UGT1A7: variants seen among roughly 807,000 people sequenced by gnomAD.
UGT1A7 encodes the protein UDP glucuronosyltransferase family 1 member A7.
Under a neutral mutation model 45.6 loss-of-function variants are expected in UGT1A7, and 33 were observed. That is an observed-to-expected ratio of 0.72 (90% CI 0.55 to 0.97). UGT1A7 has a LOEUF of 0.97. Among genes scored for constraint, UGT1A7 ranks in the 50% least tolerant of loss-of-function variants. The probability of loss-of-function intolerance (pLI) is 0.00; values close to 1 mark genes in which losing one functional copy is unlikely to be tolerated. For synonymous variants in UGT1A7, 274 were observed against 250.6 expected (o/e 1.09, Z -0.88); for missense variants, 684 against 666.2 (o/e 1.03, Z -0.29).
intron 1 of UGT1A7, among the ~76,000 whole-genome samples, chr2:233,731,547 T>A (rs548605747): frequency 6.6e-6 from 1 of 152,218 alleles, no homozygotes; most frequent in Non-Finnish European, 1.5e-5. Flanking sequence ...TGGTTTTCTG[T>A]CCATGTGATA....
chr2:233,764,219 C>T (rs759767670), intron 1 of UGT1A7, among the ~76,000 whole-genome samples: 2 of 152,130 alleles, frequency 1.3e-5, no homozygotes, highest in Non-Finnish European at 2.9e-5. Context: ...TGAAGGGAAT[C>T]AATGGTGGGG....
chr2:233,758,119 CATAAAT>C (rs775438808), intron 1 of UGT1A7, among the ~76,000 whole-genome samples: 2 of 152,188 alleles, frequency 1.3e-5, no homozygotes, highest in Admixed American at 6.5e-5. Flanking sequence ...TCACACGTTC[CATAAAT>C]ATTTGGCAGA....
At chr2:233,761,231 T>A in intron 1 of UGT1A7, 1 of 1,613,202 alleles carries the variant, frequency 6.2e-7, no homozygotes. Flanking sequence ...GCCCCAGATA[T>A]ATGCTGAGCA....
At position 233,768,335 on chromosome 2, in the gene UGT1A7, T is replaced by C. The variant is rs754652167; in HGVS notation, c.1191T>C (p.Asn397=). 1.9e-6 allele frequency: 3 copies of C among 1,614,076 alleles called. No homozygotes were observed. The highest frequency in any genetic ancestry group is 2.5e-6 in the Non-Finnish European group (3 of 1,180,042). Residue 397 remains asparagine, a synonymous_variant, in exon 4 of 5, where the codon AAT becomes AAC. Transcript: ENST00000373426. ...CCTTGTTTGGTGATCAGATGGACAA[T>C]GCAAAGCGCATGGAGACTAAGGGAG... ...MMPLFGDQMD[N]AKRMETKGAG...
chr2:233,711,434 TAC>T (rs1559357703), intron 1 of UGT1A7, among the ~76,000 whole-genome samples: 5 of 152,176 alleles, frequency 3.3e-5, no homozygotes, highest in African/African-American at 1.2e-4. Context: ...TTAGGATGCA[TAC>T]AGTTTTAAGG....
chr2:233,729,883 T>G (rs1220265805), intron 1 of UGT1A7: 1 of 1,613,824 alleles, frequency 6.2e-7, no homozygotes, highest in Non-Finnish European at 8.5e-7. Flanking sequence ...CAGTCATGCA[T>G]CTGTGTGGCT....
At chr2:233,771,833 T>G (rs1411315562) in intron 4 of UGT1A7, among the ~76,000 whole-genome samples, 1 of 137,650 alleles carries the variant, frequency 7.3e-6, no homozygotes, top group Non-Finnish European at 1.6e-5. Flanking sequence ...CCTTCCCTCC[T>G]TCTCTTCCTT....
At position 233,743,458 on chromosome 2, in the gene UGT1A7, A is replaced by C. The variant is rs61736688; in HGVS notation, c.856-23576A>C. On this transcript the variant is annotated intron_variant, in intron 1 of 4. Transcript: ENST00000373426. ...AAATCCTGTATCAAAAGAAGAAAAA[A>C]CACCCCCAAAAGCTGGAAATTCACT... 785 of 1,366,068 alleles carry C rather than the reference A, an allele frequency of 5.7e-4. 6 individuals are homozygous for C. In the Admixed American group the frequency reaches 0.012, roughly 22 times the overall value. 84.6% of individuals were successfully genotyped at this position (1,366,068 alleles called of 1,614,324 possible).
intron 3 of UGT1A7, 24 bp downstream of exon 3, chr2:233,767,960 T>G (rs769330196): frequency 1.2e-6 from 2 of 1,614,082 alleles, no homozygotes; most frequent in Admixed American, 3.3e-5. Context: ...ATTGGATGTA[T>G]AGGTCAAACC....
chr2:233,729,284 C>T, intron 1 of UGT1A7: 1 of 1,614,206 alleles, frequency 6.2e-7, no homozygotes, highest in Non-Finnish European at 8.5e-7. Flanking sequence ...GAGCTCCATG[C>T]CAGAGGCCAC....
At chr2:233,761,982 G>T (rs1310969194) in intron 1 of UGT1A7, among the ~76,000 whole-genome samples, 1 of 152,142 alleles carries the variant, frequency 6.6e-6, no homozygotes, top group Non-Finnish European at 1.5e-5. Context: ...ACCTTCGGAG[G>T]TGACCTTATT....
At chr2:233,747,354 G>C (rs753872482) in intron 1 of UGT1A7, 1 of 1,602,508 alleles carries the variant, frequency 6.2e-7, no homozygotes, top group Non-Finnish European at 8.5e-7. Context: ...GCGGGAGGCC[G>C]TGCGGGAGCT....
At chr2:233,762,213 C>T (rs889171473) in intron 1 of UGT1A7, among the ~76,000 whole-genome samples, 1 of 152,104 alleles carries the variant, frequency 6.6e-6, no homozygotes, top group Non-Finnish European at 1.5e-5. Flanking sequence ...ATTTGGCGCC[C>T]CATAAATCTC....
chr2:233,747,592 C>G (rs1434418426), intron 1 of UGT1A7: 13 of 1,575,650 alleles, frequency 8.3e-6, no homozygotes, highest in Admixed American at 6.7e-5. Flanking sequence ...TTTCATAGGT[C>G]TTGTGTGGAG....
chr2:233,711,396 C>A (rs1349314535), intron 1 of UGT1A7, among the ~76,000 whole-genome samples: 1 of 152,234 alleles, frequency 6.6e-6, no homozygotes, highest in Non-Finnish European at 1.5e-5. Context: ...TGTGTTCCAC[C>A]CTCACCCCGG....
intron 1 of UGT1A7, among the ~76,000 whole-genome samples, chr2:233,728,307 G>A (rs539087597): frequency 3.9e-5 from 6 of 152,202 alleles, no homozygotes; most frequent in Admixed American, 1.3e-4. Context: ...GACTGTGCAA[G>A]ATCTGAGGCC....
chr2:233,690,043 T>C (rs2074972825), intron 1 of UGT1A7: 1 of 410,506 alleles, frequency 2.4e-6, no homozygotes, highest in Admixed American at 3.0e-5. Flanking sequence ...GCCCAGAGCA[T>C]TCTGACTTCT....
intron 2 of UGT1A7, among the ~76,000 whole-genome samples, 197 bp downstream of exon 2, chr2:233,767,362 A>G (rs916672959): frequency 6.6e-6 from 1 of 152,144 alleles, no homozygotes; most frequent in Non-Finnish European, 1.5e-5. Context: ...CAAATACTCT[A>G]TTAAACTATG....
intron 1 of UGT1A7, among the ~76,000 whole-genome samples, chr2:233,696,658 T>C (rs770952566): frequency 5.3e-5 from 8 of 152,210 alleles, no homozygotes; most frequent in Non-Finnish European, 1.0e-4. Context: ...CTTCCAGTAC[T>C]ATGAAGAATA....
Sources: gnomAD v4.1 joint callset for allele counts (sites outside exome capture counted in the v4.1 genomes callset) on GRCh38, gnomAD v4.1.1 for gene constraint, MANE v1.5 for transcripts, NCBI Gene and HGNC (gene_info 2026-07-23, HGNC 2026-07-21) for gene names.